MYRIP: variants seen among roughly 807,000 people sequenced by gnomAD.
MYRIP encodes the protein myosin VIIA and Rab interacting protein.
MYRIP carries 49 observed loss-of-function variants against 98.0 expected under a neutral mutation model. That is an observed-to-expected ratio of 0.50 (90% CI 0.40 to 0.63). MYRIP has a LOEUF of 0.63. MYRIP is among the 30% of genes least tolerant of loss of function. MYRIP has a pLI of 0.00. For missense variants in MYRIP, 1,004 were observed against 1,058.2 expected (o/e 0.95, Z 0.71); for synonymous variants, 404 against 409.5 (o/e 0.99, Z 0.16).
chr3:40,088,479 A>G (rs1645975706), intron 3 of MYRIP, among the ~76,000 whole-genome samples: 2 of 152,152 alleles, frequency 1.3e-5, no homozygotes, highest in African/African-American at 4.8e-5. Flanking sequence ...CATCCAGCTG[A>G]TATTGGCCCA....
chr3:39,879,377 CT>C (rs35697824), intron 1 of MYRIP, among the ~76,000 whole-genome samples: 12 of 147,722 alleles, frequency 8.1e-5, no homozygotes, highest in South Asian at 2.2e-4. Context: ...CCTTGGGTGA[CT>C]TTTTTTTTTC....
intron 2 of MYRIP, among the ~76,000 whole-genome samples, chr3:40,040,247 A>C (rs1011559617): frequency 3.3e-5 from 5 of 151,666 alleles, no homozygotes; most frequent in African/African-American, 1.2e-4. Context: ...ATCACTGGCC[A>C]TCAGAGAAAT....
At chr3:40,145,406 C>T (rs900977988) in intron 3 of MYRIP, among the ~76,000 whole-genome samples, 1 of 152,060 alleles carries the variant, frequency 6.6e-6, no homozygotes, top group African/African-American at 2.4e-5. Flanking sequence ...GCTTTTTCTC[C>T]CACCATGAGG....
At chr3:39,858,176 AG>A (rs1483555491) in intron 1 of MYRIP, among the ~76,000 whole-genome samples, 1 of 151,240 alleles carries the variant, frequency 6.6e-6, no homozygotes, top group Non-Finnish European at 1.5e-5. Flanking sequence ...GGACACACAT[AG>A]ACTGAAAGTG....
At chr3:39,916,370 C>T (rs1944159500) in intron 2 of MYRIP, among the ~76,000 whole-genome samples, 1 of 151,298 alleles carries the variant, frequency 6.6e-6, no homozygotes, top group Non-Finnish European at 1.5e-5. Context: ...GCTTGCTCCT[C>T]TGGTCAGCTT....
intron 2 of MYRIP, among the ~76,000 whole-genome samples, chr3:40,020,035 G>A (rs1458778432): frequency 6.6e-6 from 1 of 152,170 alleles, no homozygotes; most frequent in Non-Finnish European, 1.5e-5. Context: ...GCACTGGATT[G>A]TTACATGGGT....
chr3:40,127,592 T>G (rs1458100035), intron 3 of MYRIP, among the ~76,000 whole-genome samples: 1 of 152,210 alleles, frequency 6.6e-6, no homozygotes, highest in Non-Finnish European at 1.5e-5. Context: ...GAAGTTAACA[T>G]CGGTATTAGG....
intron 2 of MYRIP, among the ~76,000 whole-genome samples, chr3:39,952,546 G>T (rs1286639383): frequency 6.6e-6 from 1 of 152,074 alleles, no homozygotes; most frequent in Non-Finnish European, 1.5e-5. Context: ...TTCTGGATTT[G>T]TTTTGTAATA....
At chr3:40,225,802 T>C (rs1952470153) in intron 11 of MYRIP, among the ~76,000 whole-genome samples, 1 of 152,184 alleles carries the variant, frequency 6.6e-6, no homozygotes, top group Non-Finnish European at 1.5e-5. Context: ...GCGAACAACA[T>C]TCAGCACGGG....
chr3:40,041,243 A>T lies in MYRIP; in HGVS notation c.111-2807A>T, dbSNP rs1947523578. On this transcript the variant is annotated intron_variant, in intron 2 of 16. Coordinates refer to ENST00000302541, the MANE Select transcript of MYRIP (RefSeq NM_015460.4). Reference sequence around the variant, plus strand: ...TAACTGGGACAAGACTAATCAACTGATACTATATAACTGGTGAATGAGGAA... The same window carrying T: ...TAACTGGGACAAGACTAATCAACTGTTACTATATAACTGGTGAATGAGGAA... Among the ~76,000 whole-genome samples the T allele has an allele frequency of 2.5e-5, 3 of 119,378 alleles. No individual in the cohort carries two copies. The South Asian group carries it at 8.8e-4, about 35-fold the overall frequency. The allele number at this position is 119,378 out of a possible 152,430, so 78.3% of individuals were successfully genotyped here.
At chr3:39,968,377 G>T (rs773710182) in intron 2 of MYRIP, among the ~76,000 whole-genome samples, 3 of 152,038 alleles carry the variant, frequency 2.0e-5, no homozygotes, top group Non-Finnish European at 4.4e-5. Context: ...TGGCCAGGCT[G>T]GTCTCAAACT....
chr3:40,077,750 C>T (rs1285571680), intron 3 of MYRIP, among the ~76,000 whole-genome samples: 4 of 152,258 alleles, frequency 2.6e-5, no homozygotes, highest in African/African-American at 9.6e-5. Flanking sequence ...AAACCCTGAG[C>T]TAGACAAAGG....
intron 3 of MYRIP, among the ~76,000 whole-genome samples, chr3:40,084,370 A>C: frequency 6.7e-6 from 1 of 148,166 alleles, no homozygotes; most frequent in Admixed American, 6.7e-5. Flanking sequence ...GATAATACAC[A>C]TCTATGTATT....
intron 2 of MYRIP, among the ~76,000 whole-genome samples, chr3:40,043,178 T>C (rs574671774): frequency 2.0e-5 from 3 of 152,274 alleles, no homozygotes; most frequent in African/African-American, 7.2e-5. Flanking sequence ...ATAGTAAAAG[T>C]AGTAGTCTAG....
chr3:40,222,305 G>C (rs1952359247), intron 11 of MYRIP, among the ~76,000 whole-genome samples: 1 of 152,142 alleles, frequency 6.6e-6, no homozygotes, highest in African/African-American at 2.4e-5. Flanking sequence ...TCAGATTGTT[G>C]CTATGAAAAG....
At chr3:39,968,710 G>A (rs1278142589) in intron 2 of MYRIP, among the ~76,000 whole-genome samples, 2 of 152,126 alleles carry the variant, frequency 1.3e-5, no homozygotes, top group Non-Finnish European at 2.9e-5. Context: ...GTACCATGCT[G>A]TTTTGGTTAC....
intron 13 of MYRIP, among the ~76,000 whole-genome samples, chr3:40,245,349 T>G (rs995512787): frequency 7.9e-5 from 12 of 152,138 alleles, no homozygotes. Context: ...AATTTTTTTC[T>G]TTAAAAGGGC....
chr3:40,016,007 A>C (rs543821884), intron 2 of MYRIP, among the ~76,000 whole-genome samples: 44 of 152,088 alleles, frequency 2.9e-4, no homozygotes, highest in African/African-American at 1.0e-3. Context: ...CATTGGGCAA[A>C]GGTGGCCATG....
intron 1 of MYRIP, among the ~76,000 whole-genome samples, chr3:39,895,121 A>C (rs974836767): frequency 2.0e-5 from 3 of 151,600 alleles, no homozygotes; most frequent in African/African-American, 7.3e-5. Flanking sequence ...CTTGTATTTT[A>C]TGAGGGTGCT....
Sources: gnomAD v4.1 joint callset for allele counts (sites outside exome capture counted in the v4.1 genomes callset) on GRCh38, gnomAD v4.1.1 for gene constraint, MANE v1.5 for transcripts, NCBI Gene and HGNC (gene_info 2026-07-23, HGNC 2026-07-21) for gene names.